Variants in SHISAL1 observed in about 807,000 individuals in gnomAD.
The protein encoded by SHISAL1 is protein shisa-like-1.
Under a neutral mutation model 22.6 loss-of-function variants are expected in SHISAL1, and 9 were observed. The observed-to-expected ratio is 0.40, with a 90% CI of 0.24 to 0.70. The LOEUF (loss-of-function observed/expected upper bound fraction) is 0.70, where lower values mean the gene tolerates loss of function less well. Among genes scored for constraint, SHISAL1 ranks in the 30% least tolerant of loss-of-function variants. The pLI is 0.39. For missense variants in SHISAL1, 246 were observed against 270.6 expected (o/e 0.91, Z 0.64); for synonymous variants, 119 against 115.4 (o/e 1.03, Z -0.20).
At chr22:44,314,715 G>A (rs372766578), upstream of SHISAL1, among the ~76,000 whole-genome samples, 4 of 152,064 alleles carry the variant, frequency 2.6e-5, no homozygotes, top group East Asian at 1.9e-4. Context: ...ATCCCCTCTC[G>A]GCCGAGGGGA....
At chr22:44,324,461 T>A in the SHISAL1 span, among the ~76,000 whole-genome samples, 7 of 152,302 alleles carry the variant, frequency 4.6e-5, 1 homozygote, top group African/African-American at 1.4e-4. Flanking sequence ...CCTGGCTGCT[T>A]CATGGAAGGG....
rs772497929 is a variant in SHISAL1 at position 44,285,608 on chromosome 22, C to G, written c.419G>C (p.Arg140Pro). The part of the protein sequence containing the change: ...VYLARWGIQG[R>P]WMKQDPRRWG... Reference sequence around the variant, plus strand: ...CCGCCGGGGGTCCTGTTTCATCCATCGTCCTTGGATGCCCCACCGTGCCAG... The same window carrying G: ...CCGCCGGGGGTCCTGTTTCATCCATGGTCCTTGGATGCCCCACCGTGCCAG... Residue 140 changes from arginine (R) to proline (P), a missense_variant, in exon 4 of 5, where the codon CGA (arginine) becomes CCA (proline). Physicochemically the swap from Arg to Pro is moderately radical, Grantham distance 103. Transcript: ENST00000381176. 3 of 1,614,116 alleles carry G rather than the reference C, an allele frequency of 1.9e-6. No homozygotes were observed. In the Admixed American group the frequency reaches 5.0e-5, roughly 27 times the overall value.
At chr22:44,325,580 G>T in the SHISAL1 span, among the ~76,000 whole-genome samples, 1 of 152,054 alleles carries the variant, frequency 6.6e-6, no homozygotes, top group Non-Finnish European at 1.5e-5. Flanking sequence ...CTCTCAACCC[G>T]CACAGAGCCC....
At chr22:44,278,205 C>G (rs1275473630) in intron 4 of SHISAL1, among the ~76,000 whole-genome samples, 1 of 152,146 alleles carries the variant, frequency 6.6e-6, no homozygotes, top group African/African-American at 2.4e-5. Flanking sequence ...ACTGGCCTAG[C>G]CTCCCAGCCT....
intron 4 of SHISAL1, among the ~76,000 whole-genome samples, chr22:44,262,423 C>G (rs1341007606): frequency 6.6e-6 from 1 of 152,218 alleles, no homozygotes; most frequent in African/African-American, 2.4e-5. Context: ...CTCATAGCAG[C>G]AAGATTAGGG....
chr22:44,259,735 T>C (rs2055109257), intron 4 of SHISAL1, among the ~76,000 whole-genome samples: 1 of 152,178 alleles, frequency 6.6e-6, no homozygotes, highest in Non-Finnish European at 1.5e-5. Flanking sequence ...GTTCTGCTGA[T>C]CTTTGTGGTG....
chr22:44,304,544 C>T (rs2055457071), intron 1 of SHISAL1, among the ~76,000 whole-genome samples: 2 of 151,962 alleles, frequency 1.3e-5, no homozygotes, highest in South Asian at 4.2e-4. Flanking sequence ...CCCCATCCAC[C>T]CGCAGGCCTC....
chr22:44,289,808 G>C (rs901372236), intron 3 of SHISAL1, among the ~76,000 whole-genome samples: 4 of 152,202 alleles, frequency 2.6e-5, no homozygotes, highest in African/African-American at 9.6e-5. Context: ...TATGTGACCT[G>C]GAAATTAATT....
chr22:44,253,943 C>T (rs1195615513), intron 4 of SHISAL1, among the ~76,000 whole-genome samples: 2 of 150,952 alleles, frequency 1.3e-5, no homozygotes, highest in Non-Finnish European at 2.9e-5. Flanking sequence ...AAGTAAATTC[C>T]AAAAAACAGA....
intron 4 of SHISAL1, among the ~76,000 whole-genome samples, chr22:44,258,501 A>G (rs1036369454): frequency 2.0e-5 from 3 of 152,070 alleles, no homozygotes; most frequent in African/African-American, 7.2e-5. Flanking sequence ...CCTAGTGTGT[A>G]TCGTTCCCCT....
chr22:44,307,374 G>A (rs575325321), intron 1 of SHISAL1, among the ~76,000 whole-genome samples: 2 of 152,296 alleles, frequency 1.3e-5, no homozygotes, highest in Non-Finnish European at 2.9e-5. Context: ...ACTCAGAGAG[G>A]TGAAGTGACT....
At chr22:44,294,257 G>A (rs987490807) in intron 3 of SHISAL1, among the ~76,000 whole-genome samples, 1 of 152,204 alleles carries the variant, frequency 6.6e-6, no homozygotes, top group Admixed American at 6.5e-5. Flanking sequence ...AGCAGATGGC[G>A]AGAGATTCAA....
chr22:44,274,267 T>TCTCA, intron 4 of SHISAL1, among the ~76,000 whole-genome samples: 1 of 152,126 alleles, frequency 6.6e-6, no homozygotes, highest in East Asian at 1.9e-4. Context: ...GCAAACTGTA[T>TCTCA]AGAAATAGGG....
intron 3 of SHISAL1, among the ~76,000 whole-genome samples, chr22:44,287,597 C>T (rs1220440438): frequency 1.3e-5 from 2 of 152,132 alleles, no homozygotes; most frequent in Non-Finnish European, 2.9e-5. Flanking sequence ...GACTGATGGG[C>T]TCGCTCATGC....
chr22:44,243,708 C>T lies in SHISAL1; in HGVS notation c.*5977G>A, dbSNP rs1249807692. On this transcript the variant is annotated 3_prime_UTR_variant, in exon 5 of 5. Coordinates refer to ENST00000381176, the MANE Select transcript of SHISAL1 (RefSeq NM_001099294.2). ...ACACTCCTTTATTAAAACCTAGGGA[C>T]ATTGTTATAAAAACTACTGTATATA... 1 of 152,180 alleles carries T rather than the reference C, an allele frequency of 6.6e-6. No homozygotes were observed. Among genetic ancestry groups the T allele is most frequent in the African/African-American group, 2.4e-5 (1 of 41,430 alleles). The allele number at this position is 152,180 out of a possible 1,614,324, so 9.4% of individuals were successfully genotyped here.
In SHISAL1 at chr22:44,246,283, A is replaced by G. The variant is rs1393233982; in HGVS notation, c.*3402T>C. On this transcript the variant is annotated 3_prime_UTR_variant, in exon 5 of 5. Coordinates refer to ENST00000381176, the MANE Select transcript of SHISAL1 (RefSeq NM_001099294.2). The stretch of plus-strand genomic sequence containing the variant: ...AATTACACACAGTTCCCAGTGGGAA[A>G]CAGTCCTTACAAACGCGGTAGTTCT... The G allele has an allele frequency of 1.3e-5, 2 of 152,234 alleles. No homozygotes were observed. The highest frequency in any genetic ancestry group is 4.8e-5 in the African/African-American group (2 of 41,448). 9.4% of individuals were successfully genotyped at this position (152,234 alleles called of 1,614,324 possible). A position where few individuals can be genotyped will look rare whatever the true frequency, so the allele number is the denominator to read the frequency against.
the SHISAL1 span, among the ~76,000 whole-genome samples, chr22:44,318,854 C>G: frequency 6.6e-6 from 1 of 152,224 alleles, no homozygotes; most frequent in Non-Finnish European, 1.5e-5. Context: ...GCTGTCACTC[C>G]CAGAGGGTCA....
rs2055006073 is a variant in SHISAL1, at chr22:44,246,887, G to C, written c.*2798C>G. ...GTGCTGGGTCTTGGTGATCTCTGCT[G>C]AGGCCTCCTGCTTGCCACAGAATGT... On this transcript the variant is annotated 3_prime_UTR_variant, in exon 5 of 5. Transcript: ENST00000381176. 1 of 32,096 alleles carries C rather than the reference G, an allele frequency of 3.1e-5. No homozygotes were observed. The highest frequency in any genetic ancestry group is 1.2e-4 in the African/African-American group (1 of 8,292). 2.0% of individuals were successfully genotyped at this position (32,096 alleles called of 1,614,324 possible).
intron 4 of SHISAL1, among the ~76,000 whole-genome samples, chr22:44,251,593 C>T (rs1197295313): frequency 1.3e-5 from 2 of 152,150 alleles, no homozygotes; most frequent in Non-Finnish European, 2.9e-5. Context: ...TCTGGGGAGG[C>T]CTCACAATCA....
Sources: gnomAD v4.1 joint callset for allele counts (sites outside exome capture counted in the v4.1 genomes callset) on GRCh38, gnomAD v4.1.1 for gene constraint, MANE v1.5 for transcripts, NCBI Gene and HGNC (gene_info 2026-07-23, HGNC 2026-07-21) for gene names.